Variants in DEFB112 observed in about 807,000 individuals in gnomAD.
DEFB112 encodes the protein defensin beta 112, also known as beta-defensin 112.
Under a neutral mutation model 1.1 loss-of-function variants are expected in DEFB112, and 2 were observed. That is an observed-to-expected ratio of 1.85 (90% CI 0.76 to 5.83). The LOEUF (loss-of-function observed/expected upper bound fraction) is 5.83. DEFB112 is among the 30% of genes most tolerant of loss of function. The pLI is 0.05. For synonymous variants in DEFB112, 40 were observed against 31.2 expected (o/e 1.28, Z -0.93); for missense variants, 120 against 94.4 (o/e 1.27, Z -1.12).
chr6:50,048,429 A>G, intron 1 of DEFB112: 1 of 884,154 alleles, frequency 1.1e-6, no homozygotes, highest in East Asian at 2.6e-5. Context: ...AAGAACATAT[A>G]AGTAAACAGG....
At chr6:50,045,763 A>C (rs1440275511) in intron 1 of DEFB112, among the ~76,000 whole-genome samples, 1 of 152,150 alleles carries the variant, frequency 6.6e-6, no homozygotes. Flanking sequence ...GGCACCTGTT[A>C]CTGGACTGAA....
chr6:50,045,411 T>C (rs770500408), intron 1 of DEFB112, among the ~76,000 whole-genome samples: 3 of 152,110 alleles, frequency 2.0e-5, no homozygotes, highest in Non-Finnish European at 2.9e-5. Flanking sequence ...GAGTAATCAC[T>C]GTCTTGAATT....
chr6:50,044,810 C>G (rs1401236825), intron 1 of DEFB112, among the ~76,000 whole-genome samples: 1 of 152,032 alleles, frequency 6.6e-6, no homozygotes, highest in Non-Finnish European at 1.5e-5. Flanking sequence ...ATAAAAATGA[C>G]CAAGTCCTTA....
intron 1 of DEFB112, among the ~76,000 whole-genome samples, chr6:50,048,813 A>G (rs1292966449): frequency 1.3e-5 from 2 of 152,178 alleles, no homozygotes; most frequent in Non-Finnish European, 2.9e-5. Flanking sequence ...CATATAGTAC[A>G]TATGTTTAAA....
Position 50,043,501 on chromosome 6 carries a change from T to C in DEFB112, c.*74A>G, listed in dbSNP as rs1774779226. The C allele has an allele frequency of 9.0e-7, 1 of 1,107,086 alleles. No individual in the cohort carries two copies. The highest frequency in any genetic ancestry group is 1.3e-6 in the Non-Finnish European group (1 of 742,770). The allele number at this position is 1,107,086 out of a possible 1,614,324, so 68.6% of individuals were successfully genotyped here. ...TATAGGTATGCATGCATGGAAATTA[T>C]AGGTCATTAATGAAGTGATGAAATA... On this transcript the variant is annotated 3_prime_UTR_variant, in exon 2 of 2. Coordinates refer to ENST00000651554, the MANE Select transcript of DEFB112 (RefSeq NM_001369057.2).
At position 50,042,402 on chromosome 6, in the gene DEFB112, T is replaced by G. The variant is rs1480602001; in HGVS notation, c.*1173A>C. 6.6e-6 allele frequency among the ~76,000 whole-genome samples: 1 copy of G among 152,058 alleles called. No individual in the cohort carries two copies. The highest frequency in any genetic ancestry group is 1.5e-5 in the Non-Finnish European group (1 of 67,948). On this transcript the variant is annotated 3_prime_UTR_variant, in exon 2 of 2. Coordinates refer to ENST00000651554, the MANE Select transcript of DEFB112 (RefSeq NM_001369057.2). ...AACCCAAAGCTGAAATGTGTATATGTCACAGCAGCATAAGAAACCTACCAG... is the reference window on the plus strand; with the variant it reads ...AACCCAAAGCTGAAATGTGTATATGGCACAGCAGCATAAGAAACCTACCAG...
intron 1 of DEFB112, 101 bp from the exon 2 acceptor site, chr6:50,043,902 A>G: frequency 1.0e-6 from 1 of 993,914 alleles, no homozygotes. Context: ...AGGAGAAATA[A>G]AGGAAATGGA....
rs1582381963 is a variant in DEFB112, at chr6:50,045,586, T to A, written c.59-1785A>T. 2.6e-5 allele frequency among the ~76,000 whole-genome samples: 4 copies of A among 152,256 alleles called. No individual in the cohort carries two copies. The South Asian group carries it at 8.3e-4, about 32-fold the overall frequency. On this transcript the variant is annotated intron_variant, in intron 1 of 1. Transcript: ENST00000651554. Reference sequence around the variant, plus strand: ...ACAAATAAATGTGTACATATGTGTATACAATCAGGTGTCACTTAGGGACAG... The same window carrying A: ...ACAAATAAATGTGTACATATGTGTAAACAATCAGGTGTCACTTAGGGACAG...
intron 1 of DEFB112, chr6:50,048,426 T>A (rs576562909): frequency 4.6e-6 from 4 of 865,756 alleles, no homozygotes; most frequent in South Asian, 1.4e-5. Flanking sequence ...GACAAGAACA[T>A]ATAAGTAAAC....
intron 1 of DEFB112, among the ~76,000 whole-genome samples, chr6:50,047,838 G>C (rs1015789649): frequency 1.3e-5 from 2 of 152,024 alleles, no homozygotes; most frequent in Non-Finnish European, 2.9e-5. Flanking sequence ...TTGAACAGTA[G>C]TGATTGATAA....
chr6:50,045,619 T>G (rs956252622), intron 1 of DEFB112, among the ~76,000 whole-genome samples: 2 of 152,076 alleles, frequency 1.3e-5, no homozygotes, highest in African/African-American at 2.4e-5. Flanking sequence ...CAGGGATATG[T>G]TTTGAGAAAT....
chr6:50,048,867 C>A (rs934888755), intron 1 of DEFB112, among the ~76,000 whole-genome samples: 1 of 152,088 alleles, frequency 6.6e-6, no homozygotes, highest in African/African-American at 2.4e-5. Context: ...AATAAGTTCA[C>A]CTTGCATGGC....
rs561012829 is a variant in DEFB112 at position 50,042,675 on chromosome 6, G to C, written c.*900C>G. ...TAAGGGGAAAATCTTTAATCTAGGT[G>C]AGGTATTAAGACCAACTGCTGACCC... is the stretch of plus-strand genomic sequence containing the variant. On this transcript the variant is annotated 3_prime_UTR_variant, in exon 2 of 2. Coordinates refer to ENST00000651554, the MANE Select transcript of DEFB112 (RefSeq NM_001369057.2). Among the ~76,000 whole-genome samples the C allele has an allele frequency of 3.9e-5, 6 of 152,056 alleles. No individual in the cohort carries two copies. The South Asian group carries it at 1.2e-3, about 32-fold the overall frequency.
intron 1 of DEFB112, chr6:50,048,596 G>T (rs1464518382): frequency 6.2e-7 from 1 of 1,613,428 alleles, no homozygotes; most frequent in African/African-American, 1.3e-5. Context: ...AGATGTATTT[G>T]TCTTTGAGTA....
chr6:50,044,507 C>CT, intron 1 of DEFB112, among the ~76,000 whole-genome samples: 1 of 152,104 alleles, frequency 6.6e-6, no homozygotes, highest in South Asian at 2.1e-4. Context: ...AGCATAATTT[C>CT]TTCGACTTTG....
Position 50,042,277 on chromosome 6 carries a change from T to C in DEFB112, c.*1298A>G, listed in dbSNP as rs1774756449. ...AATTGACACTGGTCAGAGAGCATAG[T>C]ATTATACATATCAGGAATATCATAT... On this transcript the variant is annotated 3_prime_UTR_variant, in exon 2 of 2. Transcript: ENST00000651554. 6.6e-6 allele frequency among the ~76,000 whole-genome samples: 1 copy of C among 152,024 alleles called. No homozygotes were observed. Among genetic ancestry groups the C allele is most frequent in the Admixed American group, 6.6e-5 (1 of 15,232 alleles).
In DEFB112 at chr6:50,048,687, A is replaced by C. The variant is rs761872417; in HGVS notation, c.58+1125T>G. 8 of 1,483,516 alleles carry C rather than the reference A, an allele frequency of 5.4e-6. No homozygotes were observed. The South Asian group carries it at 7.1e-5, about 13-fold the overall frequency. The allele number at this position is 1,483,516 out of a possible 1,614,324, so 91.9% of individuals were successfully genotyped here. A position where few individuals can be genotyped will look rare whatever the true frequency, so the allele number is the denominator to read the frequency against. ...AGAGGTTGTTAAGAGCTCACTGTAA[A>C]GTGAAAAAATTACTTTAAAAGTAGG... On this transcript the variant is annotated intron_variant, in intron 1 of 1. Coordinates refer to ENST00000651554, the MANE Select transcript of DEFB112 (RefSeq NM_001369057.2).
intron 1 of DEFB112, among the ~76,000 whole-genome samples, chr6:50,048,008 G>A (rs1024041107): frequency 7.2e-5 from 11 of 151,864 alleles, no homozygotes; most frequent in African/African-American, 2.4e-4. Flanking sequence ...TTAGCGGGGC[G>A]TGGTGGTGGG....
Position 50,043,276 on chromosome 6 carries a change from T to C in DEFB112, c.*299A>G, listed in dbSNP as rs1774775206. On this transcript the variant is annotated 3_prime_UTR_variant, in exon 2 of 2. Transcript: ENST00000651554. ...TTGATAATACCTCACTAATGACTCA[T>C]AATATGCTTTTCACACTAAATAAGG... is the stretch of plus-strand genomic sequence containing the variant. Among the ~76,000 whole-genome samples, 1 of 151,998 alleles carries C rather than the reference T, an allele frequency of 6.6e-6. No homozygotes were observed. Among genetic ancestry groups the C allele is most frequent in the Non-Finnish European group, 1.5e-5 (1 of 67,974 alleles).
Sources: allele counts gnomAD v4.1 joint callset (sites outside exome capture counted in the v4.1 genomes callset), GRCh38; gene constraint gnomAD v4.1.1; transcripts MANE v1.5; gene names NCBI Gene and HGNC (gene_info 2026-07-23, HGNC 2026-07-21).